The following ANKRA2 variants were observed in gnomAD, a reference collection of about 807,000 sequenced individuals.
ANKRA2 encodes the protein ankyrin repeat family A member 2.
In ANKRA2, 33 loss-of-function variants were observed where a neutral mutation model predicts 37.8. The ratio of observed to expected loss-of-function variants is 0.87; its 90% CI spans 0.66 to 1.17. The LOEUF (loss-of-function observed/expected upper bound fraction) is 1.17. ANKRA2 is among the 50% of genes most tolerant of loss of function. ANKRA2 has a pLI of 0.00. For synonymous variants in ANKRA2, 126 were observed against 132.3 expected (o/e 0.95, Z 0.33); for missense variants, 326 against 373.7 (o/e 0.87, Z 1.05).
intron 7 of ANKRA2, 53 bp from the exon 8 acceptor site, chr5:73,553,539 G>T: frequency 7.0e-7 from 1 of 1,420,276 alleles, no homozygotes; most frequent in Non-Finnish European, 9.9e-7. Flanking sequence ...AGATATGTTT[G>T]TCTGTTATTG....
Position 73,562,949 on chromosome 5 carries a change from T to A in ANKRA2, c.-68A>T. On this transcript the variant is annotated 5_prime_UTR_variant, in exon 2 of 9. Coordinates refer to ENST00000296785, the MANE Select transcript of ANKRA2 (RefSeq NM_023039.5). Reference sequence around the variant, plus strand: ...TTTCCTCTTGGTTTTGTAAGAGCAGTATCCAGTGTGTTCTTGGAATCTGGA... The same window carrying A: ...TTTCCTCTTGGTTTTGTAAGAGCAGAATCCAGTGTGTTCTTGGAATCTGGA... 7.2e-7 allele frequency: 1 copy of A among 1,386,416 alleles called. No homozygotes were observed. Among genetic ancestry groups the A allele is most frequent in the Non-Finnish European group, 9.7e-7 (1 of 1,026,494 alleles). 85.9% of individuals were successfully genotyped at this position (1,386,416 alleles called of 1,614,324 possible). A position where few individuals can be genotyped will look rare whatever the true frequency, so the allele number is the denominator to read the frequency against.
rs753275514 is a variant in ANKRA2, at chr5:73,555,509, C to T, written c.591G>A (p.Val197=). ...MWAAAHGQIA[V]VEFLLQNGAD... is the part of the protein sequence containing the mutation. ...TTACATTCTGAAGTAGGAACTCTAC[C>T]ACAGCTATTTGCCCGTGTGCTGCAG... Residue 197 remains valine (V), a synonymous_variant, in exon 5 of 9, where the codon GTG becomes GTA. Coordinates refer to ENST00000296785, the MANE Select transcript of ANKRA2 (RefSeq NM_023039.5). 5 of 1,613,398 alleles carry T rather than the reference C, an allele frequency of 3.1e-6. No individual in the cohort carries two copies. Among genetic ancestry groups the T allele is most frequent in the African/African-American group, 1.3e-5 (1 of 74,866 alleles).
At chr5:73,563,295 T>G (rs1431713501) in intron 1 of ANKRA2, among the ~76,000 whole-genome samples, 2 of 152,238 alleles carry the variant, frequency 1.3e-5, no homozygotes, top group Admixed American at 1.3e-4. Flanking sequence ...TATTCTCACC[T>G]CCATCATTAA....
At chr5:73,553,548 TGGC>T in intron 7 of ANKRA2, 62 bp from the exon 8 acceptor site, 2 of 1,371,806 alleles carry the variant, frequency 1.5e-6, no homozygotes, top group Non-Finnish European at 2.1e-6. Context: ...TGTCTGTTAT[TGGC>T]TCATGTACAA....
chr5:73,555,403 T>C (rs1747371404), intron 5 of ANKRA2, 85 bp downstream of exon 5: 1 of 1,556,982 alleles, frequency 6.4e-7, no homozygotes, highest in Non-Finnish European at 8.7e-7. Flanking sequence ...TACCATTATA[T>C]CTAGCTGGCT....
chr5:73,560,879 T>C (rs1039771123), intron 3 of ANKRA2, among the ~76,000 whole-genome samples: 1 of 152,230 alleles, frequency 6.6e-6, no homozygotes, highest in Non-Finnish European at 1.5e-5. Context: ...ATGTCTCATA[T>C]AGTGAGATCG....
At position 73,554,345 on chromosome 5, in the gene ANKRA2, A is replaced by T; in HGVS notation, c.782T>A (p.Val261Glu). The T allele has an allele frequency of 6.2e-7, 1 of 1,613,722 alleles. No individual in the cohort carries two copies. The highest frequency in any genetic ancestry group is 2.2e-5 in the East Asian group (1 of 44,870). The part of the protein sequence containing the change: ...PLLYAVHGNH[V>E]KCVKMLLESG... Reference sequence around the variant, plus strand: ...ACCTAAGAGCATCTTTACACATTTCACATGATTTCCATGTACAGCATAAAG... The same window carrying T: ...ACCTAAGAGCATCTTTACACATTTCTCATGATTTCCATGTACAGCATAAAG... The change falls in exon 7 of 9, where the codon GTG becomes GAG. Residue 261 changes from valine (V) to glutamate (E), a missense_variant. Transcript: ENST00000296785.
rs1486966817 is a variant in ANKRA2, at chr5:73,552,500, T to G, written c.*297A>C. 8.2e-6 allele frequency: 2 copies of G among 245,224 alleles called. No individual in the cohort carries two copies. Among genetic ancestry groups the G allele is most frequent in the Non-Finnish European group, 1.5e-5 (2 of 130,202 alleles). 15.2% of individuals were successfully genotyped at this position (245,224 alleles called of 1,614,324 possible). ...GTGAAGATGACTAGGGTAGAATAATTTCTGAAAATGTCAAATTACAGCACT... is the reference window on the plus strand; with the variant it reads ...GTGAAGATGACTAGGGTAGAATAATGTCTGAAAATGTCAAATTACAGCACT... On this transcript the variant is annotated 3_prime_UTR_variant, in exon 9 of 9. Transcript: ENST00000296785.
Position 73,565,638 on chromosome 5 carries a change from G to A in ANKRA2, c.-611C>T, listed in dbSNP as rs1380306682. 5 of 404,124 alleles carry A rather than the reference G, an allele frequency of 1.2e-5. No homozygotes were observed. Among genetic ancestry groups the A allele is most frequent in the East Asian group, 7.1e-5 (1 of 14,130 alleles). 25.0% of individuals were successfully genotyped at this position (404,124 alleles called of 1,614,324 possible). On this transcript the variant is annotated 5_prime_UTR_variant, in exon 1 of 9. Coordinates refer to ENST00000296785, the MANE Select transcript of ANKRA2 (RefSeq NM_023039.5). ...GTTCTGGGTCACCAGAGCAGAGGAAGCCCCAATTTCGCCCTCCGGTCACAC... is the reference window on the plus strand; with the variant it reads ...GTTCTGGGTCACCAGAGCAGAGGAAACCCCAATTTCGCCCTCCGGTCACAC...
At position 73,557,037 on chromosome 5, in the gene ANKRA2, G is replaced by A. The variant is rs148346759; in HGVS notation, c.514+538C>T. 2.9e-3 allele frequency among the ~76,000 whole-genome samples: 438 copies of A among 149,400 alleles called. 1 individual carries two copies. The highest frequency in any genetic ancestry group is 1.0e-2 in the African/African-American group (407 of 40,894). ...CCTTTGACCCAGCAAATCTACTTGTGGGAATCTGCCCTATAGATATACTTT... is the reference window on the plus strand; with the variant it reads ...CCTTTGACCCAGCAAATCTACTTGTAGGAATCTGCCCTATAGATATACTTT... On this transcript the variant is annotated intron_variant, in intron 4 of 8. Coordinates refer to ENST00000296785, the MANE Select transcript of ANKRA2 (RefSeq NM_023039.5).
At chr5:73,562,044 T>C (rs1747570955) in intron 2 of ANKRA2, among the ~76,000 whole-genome samples, 1 of 151,804 alleles carries the variant, frequency 6.6e-6, no homozygotes, top group Non-Finnish European at 1.5e-5. Flanking sequence ...TGAGACAGAG[T>C]CTCACTCTGT....
intron 6 of ANKRA2, 48 bp from the exon 7 acceptor site, chr5:73,554,436 C>A: frequency 7.5e-7 from 1 of 1,336,116 alleles, no homozygotes; most frequent in South Asian, 1.2e-5. Context: ...GAGCAAGACT[C>A]AAGTAATTTA....
Position 73,561,231 on chromosome 5 carries a change from G to C in ANKRA2, c.347C>G (p.Thr116Ser), listed in dbSNP as rs1186966214. 1 of 1,613,148 alleles carries C rather than the reference G, an allele frequency of 6.2e-7. No individual in the cohort carries two copies. The highest frequency in any genetic ancestry group is 1.1e-5 in the South Asian group (1 of 91,056). Residue 116 changes from threonine to serine, a missense_variant, in exon 3 of 9, where the codon ACC becomes AGC. Thr to Ser is a moderately conservative substitution (Grantham distance 58). This residue lies in a region of ANKRA2 where 228 missense variants were observed against 260.2 expected (regional missense o/e 0.88). Transcript: ENST00000296785. ...TGAGAAATGCTTTGTTGTAGAGGGG[G>C]TGTAGACATGCCTTACTTGAATTCC... ...SPGIQVRHVY[T>S]PSTTKHFSPI... is the part of the protein sequence containing the mutation.
intron 3 of ANKRA2, 46 bp from the exon 4 acceptor site, chr5:73,557,686 A>G (rs1466243591): frequency 1.5e-6 from 2 of 1,371,914 alleles, no homozygotes; most frequent in African/African-American, 2.9e-5. Context: ...TATAGGGTAC[A>G]CTTGCATCAT....
At position 73,562,733 on chromosome 5, in the gene ANKRA2, A is replaced by G. The variant is rs760327223; in HGVS notation, c.149T>C (p.Met50Thr). Residue 50 changes from methionine (M) to threonine (T), a missense_variant, in exon 2 of 9, where the codon ATG becomes ACG. By Grantham distance (81) the Met-to-Thr change is moderately conservative. Coordinates refer to ENST00000296785, the MANE Select transcript of ANKRA2 (RefSeq NM_023039.5). ...SEEGSAQGVAMGMKFILPNRF... is the reference protein window; with the variant it reads ...SEEGSAQGVATGMKFILPNRF... ...GTTAGGCAATATGAATTTCATTCCC[A>G]TGGCAACACCCTGAGCTGACCCTTC... The G allele has an allele frequency of 5.6e-6, 9 of 1,614,196 alleles. No homozygotes were observed. The East Asian group carries it at 2.0e-4, about 36-fold the overall frequency.
At chr5:73,558,000 C>T (rs1302890790) in intron 3 of ANKRA2, among the ~76,000 whole-genome samples, 1 of 151,884 alleles carries the variant, frequency 6.6e-6, no homozygotes, top group Non-Finnish European at 1.5e-5. Context: ...TCACTTGAAT[C>T]AGGGAGGCAG....
At chr5:73,554,196 G>T in intron 7 of ANKRA2, 126 bp downstream of exon 7, 2 of 872,036 alleles carry the variant, frequency 2.3e-6, no homozygotes, top group Admixed American at 2.5e-5. Flanking sequence ...CTCTAAGGGT[G>T]AAGAGCAGCA....
chr5:73,555,669 C>G, intron 4 of ANKRA2, 84 bp from the exon 5 acceptor site: 1 of 1,197,930 alleles, frequency 8.3e-7, no homozygotes, highest in Non-Finnish European at 1.2e-6. Flanking sequence ...TTCCAAAGAG[C>G]TGATTATAAT....
At chr5:73,554,725 CA>C in intron 6 of ANKRA2, 135 bp downstream of exon 6, 1 of 1,053,768 alleles carries the variant, frequency 9.5e-7, no homozygotes, top group Non-Finnish European at 1.3e-6. Flanking sequence ...TTCAGCCTCC[CA>C]AGTGGCTGGG....
Sources: allele counts gnomAD v4.1 joint callset (sites outside exome capture counted in the v4.1 genomes callset), GRCh38; gene constraint gnomAD v4.1.1; regional missense constraint gnomAD v4.1.1; transcripts MANE v1.5; gene names NCBI Gene and HGNC (gene_info 2026-07-23, HGNC 2026-07-21).